Variants in CACNG2 observed in about 807,000 individuals in gnomAD.
CACNG2 encodes voltage-dependent calcium channel gamma-2 subunit.
Under a neutral mutation model 25.9 loss-of-function variants are expected in CACNG2, and 3 were observed. That is an observed-to-expected ratio of 0.12 (90% CI 0.05 to 0.30). The LOEUF (loss-of-function observed/expected upper bound fraction) is 0.30. Among genes scored for constraint, CACNG2 ranks in the 10% least tolerant of loss-of-function variants. The probability of loss-of-function intolerance (pLI) is 1.00; values close to 1 mark genes in which losing one functional copy is unlikely to be tolerated. For missense variants in CACNG2, 341 were observed against 432.5 expected (o/e 0.79, Z 1.88); for synonymous variants, 167 against 173.3 (o/e 0.96, Z 0.29).
At chr22:36,593,531 C>A (rs1350635268) in intron 1 of CACNG2, among the ~76,000 whole-genome samples, 1 of 152,004 alleles carries the variant, frequency 6.6e-6, no homozygotes, top group Admixed American at 6.6e-5. Context: ...TTTGCAGGGG[C>A]GGTGGTGTCC....
intron 1 of CACNG2, among the ~76,000 whole-genome samples, chr22:36,679,431 T>G (rs967349556): frequency 1.3e-5 from 2 of 152,132 alleles, no homozygotes; most frequent in Admixed American, 1.3e-4. Flanking sequence ...GGGCTCTTCA[T>G]TCATGGCTGC....
intron 1 of CACNG2, among the ~76,000 whole-genome samples, chr22:36,663,406 T>A (rs1405792502): frequency 6.6e-6 from 1 of 152,218 alleles, no homozygotes; most frequent in Non-Finnish European, 1.5e-5. Context: ...TGATGACTGC[T>A]GCACACACAA....
chr22:36,697,826 G>A (rs1481732200), intron 1 of CACNG2, among the ~76,000 whole-genome samples: 1 of 152,232 alleles, frequency 6.6e-6, no homozygotes, highest in Non-Finnish European at 1.5e-5. Context: ...TCTCTGCTCA[G>A]AGGTGTCTGT....
At chr22:36,573,751 C>G (rs954626792) in intron 2 of CACNG2, among the ~76,000 whole-genome samples, 1 of 152,148 alleles carries the variant, frequency 6.6e-6, no homozygotes, top group African/African-American at 2.4e-5. Context: ...GTGTGTCTAA[C>G]CACTGCATTC....
intron 1 of CACNG2, among the ~76,000 whole-genome samples, chr22:36,624,506 C>T (rs937968664): frequency 1.3e-5 from 2 of 152,246 alleles, no homozygotes; most frequent in Non-Finnish European, 2.9e-5. Context: ...GCCTCCAAAA[C>T]TTCTGCCAGT....
chr22:36,599,760 C>T (rs935556974), intron 1 of CACNG2, among the ~76,000 whole-genome samples: 2 of 152,110 alleles, frequency 1.3e-5, no homozygotes, highest in Non-Finnish European at 2.9e-5. Context: ...CTTCAATGTC[C>T]TAGGAATGCT....
At chr22:36,660,538 G>A (rs930764334) in intron 1 of CACNG2, among the ~76,000 whole-genome samples, 44 of 152,372 alleles carry the variant, frequency 2.9e-4, no homozygotes, top group African/African-American at 1.0e-3. Context: ...TGATTCAAGA[G>A]GAATTGAGCA....
intron 1 of CACNG2, among the ~76,000 whole-genome samples, chr22:36,673,799 T>C (rs79451668): frequency 0.013 from 1,957 of 152,106 alleles, 22 homozygotes; most frequent in South Asian, 0.025. Flanking sequence ...TACTTTACAG[T>C]TTATGAAGCA....
intron 1 of CACNG2, among the ~76,000 whole-genome samples, chr22:36,674,971 G>C (rs1042995025): frequency 6.6e-6 from 1 of 152,238 alleles, no homozygotes; most frequent in African/African-American, 2.4e-5. Context: ...TAAATCATTA[G>C]AACAGTGCCT....
intron 1 of CACNG2, among the ~76,000 whole-genome samples, chr22:36,623,012 G>GTTT (rs1260485985): frequency 1.8e-3 from 83 of 45,702 alleles, no homozygotes; most frequent in African/African-American, 2.2e-3. Flanking sequence ...CAAAACATGG[G>GTTT]TTTTTTTTTT....
Position 36,566,476 on chromosome 22 carries a change from T to A in CACNG2, c.313A>T (p.Ser105Cys), listed in dbSNP as rs372818937. The change falls in exon 3 of 4, where the codon AGC (serine) becomes TGC (cysteine). Residue 105 changes from serine to cysteine, a missense_variant. By Grantham distance (112) the Ser-to-Cys change is moderately radical. Around this residue, in one of 2 missense-constraint regions of CACNG2, gnomAD observed 169 missense variants for 254.4 expected, o/e 0.66. Transcript: ENST00000300105. The part of the protein sequence containing the change: ...EYFLRAVRAS[S>C]IFPILSVILL... Reference sequence around the variant, plus strand: ...ATCACACTCAGGATTGGGAAAATGCTGGAGGCCCTCACGGCCCCTGTGGAA... The same window carrying A: ...ATCACACTCAGGATTGGGAAAATGCAGGAGGCCCTCACGGCCCCTGTGGAA... 40 of 1,613,990 alleles carry A rather than the reference T, an allele frequency of 2.5e-5. No individual in the cohort carries two copies. Among genetic ancestry groups the A allele is most frequent in the Non-Finnish European group, 3.2e-5 (38 of 1,180,032 alleles).
intron 1 of CACNG2, among the ~76,000 whole-genome samples, chr22:36,652,021 G>A (rs1043522689): frequency 7.9e-5 from 12 of 152,114 alleles, no homozygotes; most frequent in African/African-American, 2.9e-4. Flanking sequence ...GTGCCACCAT[G>A]CCCGGCTAAT....
At chr22:36,638,475 AAGCTCTT>A (rs1936393310) in intron 1 of CACNG2, among the ~76,000 whole-genome samples, 1 of 152,138 alleles carries the variant, frequency 6.6e-6, no homozygotes. Flanking sequence ...GGAAGGCTCT[AAGCTCTT>A]AGTCTTGCAC....
intron 1 of CACNG2, among the ~76,000 whole-genome samples, chr22:36,651,520 A>G (rs747266865): frequency 2.0e-5 from 3 of 151,766 alleles, no homozygotes; most frequent in Non-Finnish European, 4.4e-5. Context: ...TGAGCCACTG[A>G]ACCTGGCCAA....
intron 1 of CACNG2, among the ~76,000 whole-genome samples, chr22:36,632,551 C>G (rs944522144): frequency 5.3e-5 from 8 of 151,476 alleles, no homozygotes; most frequent in Admixed American, 2.0e-4. Context: ...TCATCTCCAG[C>G]ATCCTCTCAT....
At chr22:36,576,038 A>G (rs1192880158) in intron 2 of CACNG2, among the ~76,000 whole-genome samples, 1 of 152,206 alleles carries the variant, frequency 6.6e-6, no homozygotes, top group Admixed American at 6.5e-5. Flanking sequence ...TGGTGTAGCC[A>G]ATGGCCGTGA....
chr22:36,576,212 T>C (rs1935310234), intron 2 of CACNG2, among the ~76,000 whole-genome samples: 1 of 152,240 alleles, frequency 6.6e-6, no homozygotes, highest in Admixed American at 6.5e-5. Context: ...AAGGAATGAC[T>C]AATGGCATTT....
intron 2 of CACNG2, among the ~76,000 whole-genome samples, chr22:36,568,651 C>G (rs779866207): frequency 6.6e-6 from 1 of 152,038 alleles, no homozygotes; most frequent in African/African-American, 2.4e-5. Context: ...GTGATCTGCC[C>G]GCCTCGGCCT....
chr22:36,637,202 G>A (rs1936370001), intron 1 of CACNG2, among the ~76,000 whole-genome samples: 1 of 152,102 alleles, frequency 6.6e-6, no homozygotes, highest in Admixed American at 6.5e-5. Context: ...ACTGTCAGGT[G>A]GTGAAAAGCT....
Sources: allele counts gnomAD v4.1 joint callset (sites outside exome capture counted in the v4.1 genomes callset), GRCh38; gene constraint gnomAD v4.1.1; regional missense constraint gnomAD v4.1.1; transcripts MANE v1.5; gene names NCBI Gene and HGNC (gene_info 2026-07-23, HGNC 2026-07-21).